The following PKHD1 variants were observed in gnomAD, a reference collection of about 807,000 sequenced individuals.
PKHD1 encodes the protein fibrocystin.
A neutral mutation model predicts 412.0 loss-of-function variants in PKHD1; 291 were observed. The observed-to-expected ratio is 0.71, with a 90% CI of 0.64 to 0.78. The LOEUF is 0.78. Among genes scored for constraint, PKHD1 ranks in the 30% least tolerant of loss-of-function variants. The pLI is 0.00. For missense variants in PKHD1, 4,825 were observed against 4,950.7 expected, an observed-to-expected ratio of 0.97 and a Z score of 0.76; for synonymous variants, 1,777 against 1,821.5, an observed-to-expected ratio of 0.98 and a Z score of 0.62.
At chr6:51,669,721 A>C (rs1401999518) in intron 60 of PKHD1, among the ~76,000 whole-genome samples, 1 of 135,480 alleles carries the variant, frequency 7.4e-6, no homozygotes, top group Non-Finnish European at 1.5e-5. Context: ...GCTTTGAATG[A>C]GTCCCAGAGA....
chr6:51,925,522 G>C (rs541612132), intron 37 of PKHD1, among the ~76,000 whole-genome samples: 3 of 151,866 alleles, frequency 2.0e-5, no homozygotes, highest in Non-Finnish European at 4.4e-5. Context: ...AGTAGACTAA[G>C]TAAAGAAGAT....
intron 48 of PKHD1, among the ~76,000 whole-genome samples, chr6:51,865,435 G>C (rs1192612764): frequency 6.6e-6 from 1 of 152,170 alleles, no homozygotes. Context: ...ATTTAAGGCA[G>C]TGAGGGACAG....
intron 6 of PKHD1, among the ~76,000 whole-genome samples, chr6:52,074,436 T>C (rs1033764404): frequency 3.9e-5 from 6 of 152,012 alleles, no homozygotes; most frequent in African/African-American, 1.5e-4. Flanking sequence ...AAATCCAGAG[T>C]CTCAAGTTTC....
chr6:51,726,443 T>G (rs1782581120), intron 60 of PKHD1, among the ~76,000 whole-genome samples: 1 of 152,232 alleles, frequency 6.6e-6, no homozygotes, highest in African/African-American at 2.4e-5. Context: ...CAGGCTATAC[T>G]GGCCCCGCAG....
intron 61 of PKHD1, among the ~76,000 whole-genome samples, chr6:51,650,440 G>T (rs2580008): frequency 0.92 from 140,362 of 151,988 alleles, 64,968 homozygotes; most frequent in East Asian, 1. Context: ...GTCTCATGAG[G>T]TATTTATTTA....
intron 43 of PKHD1, among the ~76,000 whole-genome samples, chr6:51,900,164 A>C (rs1352138798): frequency 2.6e-5 from 4 of 152,204 alleles, no homozygotes; most frequent in Non-Finnish European, 5.9e-5. Context: ...TTGGAAAAAA[A>C]ACTACTTTAA....
chr6:51,815,033 C>T (rs1365455714), intron 52 of PKHD1, among the ~76,000 whole-genome samples: 1 of 152,176 alleles, frequency 6.6e-6, no homozygotes, highest in Non-Finnish European at 1.5e-5. Context: ...TGCTAAGGTT[C>T]TCAGGGAACG....
At chr6:51,663,957 T>C (rs542356253) in intron 60 of PKHD1, among the ~76,000 whole-genome samples, 77 of 152,310 alleles carry the variant, frequency 5.1e-4, no homozygotes, top group African/African-American at 1.9e-3. Flanking sequence ...GAACAATTCA[T>C]TTATTCATTA....
chr6:52,057,049 A>G, intron 16 of PKHD1, 70 bp from the exon 17 acceptor site: 1 of 960,552 alleles, frequency 1.0e-6, no homozygotes, highest in Admixed American at 1.8e-5. Context: ...CTAAGAACAC[A>G]GGACATTCCT....
intron 55 of PKHD1, 84 bp downstream of exon 55, chr6:51,772,618 C>G (rs1790340369): frequency 1.5e-6 from 1 of 681,934 alleles, no homozygotes; most frequent in Non-Finnish European, 2.6e-6. Context: ...ACCTAAAAAT[C>G]AGTTTCATAT....
At chr6:51,954,230 C>G (rs563371047) in intron 36 of PKHD1, among the ~76,000 whole-genome samples, 1 of 152,018 alleles carries the variant, frequency 6.6e-6, no homozygotes, top group Admixed American at 6.6e-5. Flanking sequence ...AACATCCATA[C>G]GAGACAGGCA....
intron 46 of PKHD1, among the ~76,000 whole-genome samples, chr6:51,870,994 C>T (rs933718341): frequency 3.9e-5 from 6 of 151,966 alleles, no homozygotes; most frequent in Non-Finnish European, 5.9e-5. Flanking sequence ...ATACTATGCA[C>T]CTATTGAATG....
At chr6:52,043,911 G>A (rs1206484001) in intron 25 of PKHD1, among the ~76,000 whole-genome samples, 181 bp from the exon 26 acceptor site, 1 of 152,114 alleles carries the variant, frequency 6.6e-6, no homozygotes, top group Admixed American at 6.6e-5. Context: ...AACACATGAA[G>A]CTTTCTTAAA....
At chr6:51,806,086 T>G (rs1562352614) in intron 52 of PKHD1, among the ~76,000 whole-genome samples, 1 of 142,234 alleles carries the variant, frequency 7.0e-6, no homozygotes, top group African/African-American at 2.5e-5. Flanking sequence ...GGGGGAGGGA[T>G]AGGATTAGGA....
chr6:51,807,011 A>G (rs148403763), intron 52 of PKHD1, among the ~76,000 whole-genome samples: 3 of 152,248 alleles, frequency 2.0e-5, no homozygotes, highest in African/African-American at 7.2e-5. Flanking sequence ...CCTGCAAAAG[A>G]CTATGAACTT....
intron 14 of PKHD1, 102 bp downstream of exon 14, chr6:52,062,417 T>A (rs1808810273): frequency 2.4e-6 from 3 of 1,240,168 alleles, no homozygotes; most frequent in African/African-American, 1.5e-5. Context: ...GCTAGTGTTA[T>A]AAATTCCTGG....
At chr6:51,832,880 T>C (rs9463727) in intron 51 of PKHD1, among the ~76,000 whole-genome samples, 67,110 of 151,702 alleles carry the variant, frequency 0.44, 15,899 homozygotes, top group Middle Eastern at 0.61. Flanking sequence ...GCAAAAACCA[T>C]AGGCAACTTA....
At chr6:52,020,967 G>A (rs182412553) in intron 33 of PKHD1, among the ~76,000 whole-genome samples, 23 of 152,050 alleles carry the variant, frequency 1.5e-4, no homozygotes, top group African/African-American at 5.1e-4. Flanking sequence ...CAGTTTCAGC[G>A]GGTTAACAGA....
At chr6:51,779,823 T>C (rs984791198) in intron 53 of PKHD1, among the ~76,000 whole-genome samples, 10 of 152,046 alleles carry the variant, frequency 6.6e-5, no homozygotes, top group Middle Eastern at 6.8e-3. Flanking sequence ...ACAGCAGTTT[T>C]GAATAATGCA....
Sources: allele counts gnomAD v4.1 joint callset (sites outside exome capture counted in the v4.1 genomes callset), GRCh38; gene constraint gnomAD v4.1.1; transcripts MANE v1.5; gene names NCBI Gene and HGNC (gene_info 2026-07-23, HGNC 2026-07-21).